The following GRIP1 variants were observed in gnomAD, a reference collection of about 807,000 sequenced individuals.
GRIP1 encodes the protein glutamate receptor interacting protein 1, also known as glutamate receptor-interacting protein 1.
A neutral mutation model predicts 129.9 loss-of-function variants in GRIP1; 45 were observed. The ratio of observed to expected loss-of-function variants is 0.35; its 90% CI spans 0.27 to 0.44. GRIP1 has a LOEUF of 0.44. Among genes scored for constraint, GRIP1 ranks in the 20% least tolerant of loss-of-function variants. GRIP1 has a pLI of 1.00. For missense variants in GRIP1, 1,196 were observed against 1,396.8 expected (o/e 0.86, Z 2.29); for synonymous variants, 530 against 520.8 (o/e 1.02, Z -0.24).
chr12:66,492,466 G>A (rs1437787154), intron 7 of GRIP1, among the ~76,000 whole-genome samples: 22 of 151,988 alleles, frequency 1.4e-4, no homozygotes, highest in Admixed American at 1.4e-3. Context: ...CCTGTCAACC[G>A]GGAAGCCTGA....
intron 4 of GRIP1, among the ~76,000 whole-genome samples, chr12:66,531,308 C>CAT (rs2061457334): frequency 1.3e-5 from 1 of 76,288 alleles, no homozygotes; most frequent in East Asian, 3.7e-4. Context: ...TATATACACA[C>CAT]ACACACACAT....
At chr12:66,579,319 G>A (rs1258927471) in intron 2 of GRIP1, among the ~76,000 whole-genome samples, 3 of 152,156 alleles carry the variant, frequency 2.0e-5, no homozygotes, top group East Asian at 1.9e-4. Flanking sequence ...AAAAAACAGA[G>A]CAGAAAAACT....
Position 66,986,083 on chromosome 12 carries a change from C to T in GRIP1, c.58+82967G>A, listed in dbSNP as rs550662544. On this transcript the variant is annotated intron_variant, in intron 1 of 1. Transcript: ENST00000643019. ...TACATTACTTAACTCAACCACAAAT[C>T]TTGATTCCTATGCTCCTTCTGAATG... Among the ~76,000 whole-genome samples, 105 of 152,292 alleles carry T rather than the reference C, an allele frequency of 6.9e-4. 2 individuals carry two copies. In the South Asian group the frequency reaches 0.021, roughly 30 times the overall value.
intron 15 of GRIP1, 114 bp from the exon 16 acceptor site, chr12:66,406,542 A>C (rs2057196942): frequency 9.6e-7 from 1 of 1,043,980 alleles, no homozygotes; most frequent in African/African-American, 1.6e-5. Context: ...AAAGAGGTTC[A>C]ACTGTTTTTA....
chr12:66,924,094 C>CT (rs1427475738), intron 1 of GRIP1, among the ~76,000 whole-genome samples: 2 of 152,154 alleles, frequency 1.3e-5, no homozygotes, highest in African/African-American at 4.8e-5. Flanking sequence ...ATTCACCCCC[C>CT]TCGGCCTCCC....
rs369007085 is a variant in GRIP1 at position 66,379,370 on chromosome 12, C to T, written c.2531G>A (p.Gly844Asp). 6.2e-7 allele frequency: 1 copy of T among 1,613,932 alleles called. No individual in the cohort carries two copies. Among genetic ancestry groups the T allele is most frequent in the African/African-American group, 1.3e-5 (1 of 74,936 alleles). Residue 844 changes from glycine to aspartate, a missense_variant, in exon 20 of 25, where the codon GGC becomes GAC. Gly to Asp is a moderately conservative substitution (Grantham distance 94). Coordinates refer to ENST00000359742, the MANE Select transcript of GRIP1 (RefSeq NM_001366722.1). ...AGGCTTAGTGACTGGGGACAAGCTG[C>T]CTCTCTGTTTTGGACTCCTCCAGTC... ...TYDWRSPKQR[G>D]SLSPVTKPRS...
chr12:66,452,398 T>C (rs1013840951), intron 11 of GRIP1, among the ~76,000 whole-genome samples: 2 of 152,250 alleles, frequency 1.3e-5, no homozygotes, highest in Non-Finnish European at 2.9e-5. Context: ...ATTTTCTCTA[T>C]GAAACAAACA....
chr12:66,900,784 T>C (rs2040832391), intron 1 of GRIP1, among the ~76,000 whole-genome samples: 1 of 152,072 alleles, frequency 6.6e-6, no homozygotes, highest in South Asian at 2.1e-4. Flanking sequence ...TGACCACCCA[T>C]GGGAAGCTAG....
In GRIP1 at chr12:66,501,345, G is replaced by C. The variant is rs79419887; in HGVS notation, c.724+14274C>G. ...TTAAACATGGAGAAAATTACGTCACGCCTGGTGGGGAATATTGTAGTCTTG... is the reference window on the plus strand; with the variant it reads ...TTAAACATGGAGAAAATTACGTCACCCCTGGTGGGGAATATTGTAGTCTTG... On this transcript the variant is annotated intron_variant, in intron 7 of 24. Coordinates refer to ENST00000359742, the MANE Select transcript of GRIP1 (RefSeq NM_001366722.1). Among the ~76,000 whole-genome samples the C allele has an allele frequency of 6.0e-3, 914 of 152,214 alleles. 8 individuals are homozygous for C. The highest frequency in any genetic ancestry group is 0.021 in the African/African-American group (868 of 41,532).
At chr12:66,424,315 T>C (rs1219568540) in intron 14 of GRIP1, among the ~76,000 whole-genome samples, 1 of 152,210 alleles carries the variant, frequency 6.6e-6, no homozygotes, top group Non-Finnish European at 1.5e-5. Context: ...AAATGTATTT[T>C]CTTTGTACCA....
chr12:66,947,197 A>C (rs981779356), intron 1 of GRIP1, among the ~76,000 whole-genome samples: 16 of 152,142 alleles, frequency 1.1e-4, no homozygotes, highest in Admixed American at 1.0e-3. Flanking sequence ...CTTCTGCTGA[A>C]AGTGTAGGTA....
chr12:67,041,319 C>T (rs770405679), intron 1 of GRIP1, among the ~76,000 whole-genome samples: 4 of 151,210 alleles, frequency 2.6e-5, no homozygotes, highest in Non-Finnish European at 5.9e-5. Context: ...TATATATACA[C>T]GTGTGTATGT....
At chr12:66,449,592 T>C (rs1321933879) in intron 11 of GRIP1, among the ~76,000 whole-genome samples, 2 of 152,210 alleles carry the variant, frequency 1.3e-5, no homozygotes, top group African/African-American at 4.8e-5. Flanking sequence ...GTCTGACACA[T>C]AGACTGTCAT....
intron 1 of GRIP1, among the ~76,000 whole-genome samples, chr12:66,619,385 A>G (rs1019298528): frequency 5.3e-5 from 8 of 152,176 alleles, no homozygotes; most frequent in African/African-American, 1.4e-4. Context: ...TAGAGTAGAA[A>G]AAATGAACAT....
chr12:66,896,552 T>C (rs564867788), intron 1 of GRIP1, among the ~76,000 whole-genome samples: 4 of 152,034 alleles, frequency 2.6e-5, no homozygotes, highest in African/African-American at 9.6e-5. Flanking sequence ...TTGTCAGTGT[T>C]TTGTGAATCC....
chr12:67,047,170 T>A (rs990599527), intron 1 of GRIP1, among the ~76,000 whole-genome samples: 2 of 152,180 alleles, frequency 1.3e-5, no homozygotes, highest in East Asian at 3.8e-4. Context: ...ATTCTGGTAG[T>A]TTTAATTATA....
At chr12:66,381,729 C>T (rs888651688) in intron 19 of GRIP1, among the ~76,000 whole-genome samples, 3 of 152,122 alleles carry the variant, frequency 2.0e-5, no homozygotes, top group African/African-American at 7.2e-5. Flanking sequence ...CAGATGTGCA[C>T]CACCATCAGT....
At chr12:66,681,873 A>T (rs904987005), upstream of GRIP1, among the ~76,000 whole-genome samples, 5 of 152,074 alleles carry the variant, frequency 3.3e-5, no homozygotes, top group African/African-American at 1.2e-4. Context: ...TTAAAACATT[A>T]GTTTTGCTAA....
intron 1 of GRIP1, among the ~76,000 whole-genome samples, chr12:66,610,703 A>G (rs1834940234): frequency 6.6e-6 from 1 of 152,182 alleles, no homozygotes; most frequent in South Asian, 2.1e-4. Context: ...CAGCCTACAA[A>G]TATGAAACAT....
Sources: gnomAD v4.1 joint callset for allele counts (sites outside exome capture counted in the v4.1 genomes callset) on GRCh38, gnomAD v4.1.1 for gene constraint, MANE v1.5 for transcripts, NCBI Gene and HGNC (gene_info 2026-07-23, HGNC 2026-07-21) for gene names.